The following TLR8 variants were observed in gnomAD, a reference collection of about 807,000 sequenced individuals.
TLR8 encodes toll-like receptor 8.
In TLR8, 5 loss-of-function variants were observed where a neutral mutation model predicts 18.5. That is an observed-to-expected ratio of 0.27 (90% CI 0.14 to 0.57). TLR8 has a LOEUF of 0.57. Among genes scored for constraint, TLR8 ranks in the 20% least tolerant of loss-of-function variants. The pLI, the probability that TLR8 is intolerant of heterozygous loss-of-function variation, is 0.92. For missense variants in TLR8, 543 were observed against 769.8 expected (o/e 0.71, Z 3.49); for synonymous variants, 299 against 300.1 (o/e 1.00, Z 0.04).
chrX:12,919,421 A>G lies in TLR8; in HGVS notation c.381A>G (p.Leu127=). The G allele has an allele frequency of 5.0e-6, 6 of 1,211,293 alleles. No homozygotes were observed. The highest frequency in any genetic ancestry group is 6.7e-6 in the Non-Finnish European group (6 of 895,284). ...GGGCATTCCTCAACCTAAAAAACCT[A>G]AGGGAGTTACTGCTTGAAGACAACC... ...TDGAFLNLKN[L]RELLLEDNQL... The change falls in exon 2 of 2, where the codon CTA becomes CTG. Residue 127 remains leucine, a synonymous_variant. Coordinates refer to ENST00000218032, the MANE Select transcript of TLR8 (RefSeq NM_138636.5).
At chrX:12,912,086 T>TC (rs199740644) in intron 1 of TLR8, among the ~76,000 whole-genome samples, 3,140 of 92,587 alleles carry the variant, frequency 0.034, 104 homozygotes, top group African/African-American at 0.12. Context: ...CTCTCTCTCT[T>TC]TCTCTCTATT....
intron 1 of TLR8, among the ~76,000 whole-genome samples, chrX:12,914,602 A>T (rs5744054): frequency 0.06 from 6,641 of 111,329 alleles, 148 homozygotes; most frequent in African/African-American, 0.095. Flanking sequence ...AGTCACTCTG[A>T]TTGCATCCCT....
chrX:12,923,026 C>T lies in TLR8; in HGVS notation c.*860C>T, dbSNP rs774957875. Reference sequence around the variant, plus strand: ...CTAAGGTTTAGATGCCATTTAAGAACTGAGATGGATAGCTTTTAAAGCATC... The same window carrying T: ...CTAAGGTTTAGATGCCATTTAAGAATTGAGATGGATAGCTTTTAAAGCATC... On this transcript the variant is annotated 3_prime_UTR_variant, in exon 2 of 2. Coordinates refer to ENST00000218032, the MANE Select transcript of TLR8 (RefSeq NM_138636.5). 1 of 112,133 alleles carries T rather than the reference C, an allele frequency of 8.9e-6. No individual in the cohort carries two copies. The highest frequency in any genetic ancestry group is 1.9e-5 in the Non-Finnish European group (1 of 53,271). The allele number at this position is 112,133 out of a possible 1,213,427, so 9.2% of individuals were successfully genotyped here.
At chrX:12,908,509 A>C (rs766884914) in intron 1 of TLR8, among the ~76,000 whole-genome samples, 5 of 112,941 alleles carry the variant, frequency 4.4e-5, no homozygotes, top group Non-Finnish European at 7.5e-5. Context: ...CAATGGACTC[A>C]AATCAGAGGG....
intron 1 of TLR8, among the ~76,000 whole-genome samples, chrX:12,917,523 G>A (rs1359065462): frequency 8.9e-6 from 1 of 112,543 alleles, no homozygotes; most frequent in Non-Finnish European, 1.9e-5. Flanking sequence ...AAAGACATGA[G>A]TTGGGCTTTA....
Position 12,919,598 on chromosome X carries a change from T to C in TLR8, c.558T>C (p.Val186=). The change falls in exon 2 of 2, where the codon GTT becomes GTC. Residue 186 remains valine, a synonymous_variant. Transcript: ENST00000218032. ...YLAWNCYFNK[V]CEKTNIEDGV... Reference sequence around the variant, plus strand: ...CCTGGAACTGCTATTTTAACAAAGTTTGCGAGAAAACTAACATAGAAGATG... The same window carrying C: ...CCTGGAACTGCTATTTTAACAAAGTCTGCGAGAAAACTAACATAGAAGATG... The C allele has an allele frequency of 3.3e-6, 4 of 1,209,337 alleles. No individual in the cohort carries two copies. Among genetic ancestry groups the C allele is most frequent in the Non-Finnish European group, 4.5e-6 (4 of 894,750 alleles).
chrX:12,919,346 C>A lies in TLR8; in HGVS notation c.306C>A (p.His102Gln), dbSNP rs1844211702. Residue 102 changes from histidine (H) to glutamine (Q), a missense_variant, in exon 2 of 2, where the codon CAC becomes CAA. By Grantham distance (24) the His-to-Gln change is conservative (BLOSUM62 0). This residue lies in a region of TLR8 where 117 missense variants were observed against 111.0 expected (regional missense o/e 1.05). Transcript: ENST00000218032. ...TAAACCACAACCCCAATGTACAGCA[C>A]CAGAACGGAAATCCCGGTATACAAT... ...INLNHNPNVQ[H>Q]QNGNPGIQSN... 8.3e-7 allele frequency: 1 copy of A among 1,209,524 alleles called. No homozygotes were observed. The highest frequency in any genetic ancestry group is 1.1e-6 in the Non-Finnish European group (1 of 894,989).
chrX:12,911,198 G>A (rs960287159), intron 1 of TLR8, among the ~76,000 whole-genome samples: 2 of 111,967 alleles, frequency 1.8e-5, no homozygotes, highest in South Asian at 3.7e-4. Flanking sequence ...TACTTGATTC[G>A]TTTCCCAGGA....
chrX:12,917,394 A>G (rs1378834920), intron 1 of TLR8, among the ~76,000 whole-genome samples: 1 of 112,696 alleles, frequency 8.9e-6, no homozygotes, highest in Non-Finnish European at 1.9e-5. Flanking sequence ...AGAATAATCA[A>G]TGTCCACATA....
chrX:12,910,587 C>T, intron 1 of TLR8: 2 of 644,130 alleles, frequency 3.1e-6, no homozygotes, highest in Non-Finnish European at 4.7e-6. Flanking sequence ...TGGCTGCAGC[C>T]CTCCCCTTCA....
chrX:12,913,488 A>C (rs2043034276), intron 1 of TLR8, among the ~76,000 whole-genome samples: 1 of 112,980 alleles, frequency 8.9e-6, no homozygotes. Flanking sequence ...ATATCTGCCT[A>C]ATAAATATTT....
chrX:12,919,737 C>T lies in TLR8; in HGVS notation c.697C>T (p.Gln233Ter), dbSNP rs772440962. The T allele has an allele frequency of 1.7e-6, 2 of 1,210,841 alleles. No individual in the cohort carries two copies. The highest frequency in any genetic ancestry group is 2.2e-6 in the Non-Finnish European group (2 of 895,102). Residue 233 changes from glutamine (Q) to a stop codon, truncating the protein, a stop_gained, in exon 2 of 2, where the codon CAG (glutamine) becomes TAG (stop). Coordinates refer to ENST00000218032, the MANE Select transcript of TLR8 (RefSeq NM_138636.5). LOFTEE classifies it low-confidence loss of function (END_TRUNC). ...SLRKLFLSNT[Q>*]IKYISEEDFK... ...ACGCAAACTTTTTCTGAGCAACACC[C>T]AGATCAAATACATTAGTGAAGAAGA...
intron 1 of TLR8, chrX:12,910,290 A>G: frequency 4.4e-6 from 5 of 1,124,927 alleles, no homozygotes; most frequent in Non-Finnish European, 5.9e-6. Context: ...GATTAATTAC[A>G]TGTTATAATC....
At chrX:12,912,759 T>C (rs2043030138) in intron 1 of TLR8, among the ~76,000 whole-genome samples, 1 of 112,961 alleles carries the variant, frequency 8.9e-6, no homozygotes, top group South Asian at 3.6e-4. Context: ...CTGGCCATTT[T>C]CATGGCCCAC....
At chrX:12,912,845 T>A (rs1053281235) in intron 1 of TLR8, among the ~76,000 whole-genome samples, 1 of 112,296 alleles carries the variant, frequency 8.9e-6, no homozygotes, top group African/African-American at 3.2e-5. Flanking sequence ...CTCAAAAGAC[T>A]CCAGTTTTGG....
chrX:12,911,787 C>T (rs2043022659), intron 1 of TLR8, among the ~76,000 whole-genome samples: 1 of 112,748 alleles, frequency 8.9e-6, no homozygotes, highest in African/African-American at 3.2e-5. Context: ...TGGCCCGAGC[C>T]CCATTATACC....
intron 1 of TLR8, among the ~76,000 whole-genome samples, chrX:12,909,391 T>C (rs2043005514): frequency 8.9e-6 from 1 of 112,328 alleles, no homozygotes; most frequent in Admixed American, 9.4e-5. Flanking sequence ...AGCTGAAAGA[T>C]TGGACACCCC....
intron 1 of TLR8, chrX:12,910,510 G>C: frequency 9.2e-7 from 1 of 1,084,180 alleles, no homozygotes. Flanking sequence ...TGCACACTAC[G>C]TGGAATTTAT....
rs776377358 is a variant in TLR8, at chrX:12,914,457, A to G, written c.4-4587A>G. On this transcript the variant is annotated intron_variant, in intron 1 of 1. Transcript: ENST00000218032. ...CCACATACTCAGCTGCCTACTGGAC[A>G]CCTCTACTTGAATATCACAAACTCA... 5.0e-4 allele frequency among the ~76,000 whole-genome samples: 55 copies of G among 110,961 alleles called. 1 individual carries two copies. The highest frequency in any genetic ancestry group is 1.7e-3 in the African/African-American group (53 of 30,491).
Sources: gnomAD v4.1 joint callset for allele counts (sites outside exome capture counted in the v4.1 genomes callset) on GRCh38, gnomAD v4.1.1 for gene constraint, gnomAD v4.1.1 regional missense constraint, MANE v1.5 for transcripts, NCBI Gene and HGNC (gene_info 2026-07-23, HGNC 2026-07-21) for gene names.